FBN2: variants seen among roughly 807,000 people sequenced by gnomAD.
FBN2 encodes fibrillin-2.
FBN2 carries 105 observed loss-of-function variants against 355.6 expected under a neutral mutation model. The ratio of observed to expected loss-of-function variants is 0.30; its 90% confidence interval spans 0.25 to 0.35. The LOEUF is 0.35. FBN2 is among the 10% of genes least tolerant of loss of function. The pLI is 1.00. For missense variants in FBN2, 3,280 were observed against 3,758.7 expected, an observed-to-expected ratio of 0.87 and a Z score of 3.33; for synonymous variants, 1,350 against 1,301.2, an observed-to-expected ratio of 1.04 and a Z score of -0.81.
chr5:128,408,706 T>C lies in FBN2; in HGVS notation c.1046A>G (p.Tyr349Cys). ...GSYFCVCPRG[Y>C]VTSTDGSRCI... ...TCGAGAGCCATCTGTTGAGGTTACA[T>C]ATCCACGTGGACAAACACAAAAATA... is the stretch of plus-strand genomic sequence containing the variant. The change falls in exon 8 of 65, where the codon TAT becomes TGT. Residue 349 changes from tyrosine (Y) to cysteine (C), a missense_variant. Physicochemically the swap from Tyr to Cys is radical, Grantham distance 194. Around this residue, in one of 6 missense-constraint regions of FBN2, gnomAD observed 343 missense variants for 331.0 expected, o/e 1.04. Transcript: ENST00000262464. The C allele has an allele frequency of 1.2e-6, 2 of 1,614,060 alleles. No homozygotes were observed. Among genetic ancestry groups the C allele is most frequent in the South Asian group, 1.1e-5 (1 of 91,082 alleles).
chr5:128,537,015 T>C (rs948916360), intron 1 of FBN2, among the ~76,000 whole-genome samples: 2 of 152,066 alleles, frequency 1.3e-5, no homozygotes, highest in African/African-American at 2.4e-5. Flanking sequence ...CTCTGGCCCC[T>C]GCAGCAGGCG....
chr5:128,325,273 T>C (rs144697995), intron 34 of FBN2, among the ~76,000 whole-genome samples: 1 of 152,306 alleles, frequency 6.6e-6, no homozygotes, highest in African/African-American at 2.4e-5. Context: ...GAACTTGCTT[T>C]ATGAATCTGG....
At chr5:128,362,710 G>T in intron 18 of FBN2, among the ~76,000 whole-genome samples, 1 of 152,218 alleles carries the variant, frequency 6.6e-6, no homozygotes, top group South Asian at 2.1e-4. Context: ...GGTGATTCTC[G>T]CAGCTTGGTC....
At chr5:128,338,191 A>G (rs1750897630) in intron 26 of FBN2, 69 bp from the exon 27 acceptor site, 1 of 1,456,668 alleles carries the variant, frequency 6.9e-7, no homozygotes, top group Non-Finnish European at 9.6e-7. Flanking sequence ...ACAGCGTGGG[A>G]GAAAGAATAT....
intron 26 of FBN2, 112 bp from the exon 27 acceptor site, chr5:128,338,234 G>C (rs1184510608): frequency 3.7e-6 from 4 of 1,087,526 alleles, no homozygotes; most frequent in East Asian, 5.1e-5. Flanking sequence ...TAGTGGAAGA[G>C]AGATGCTTCA....
intron 8 of FBN2, among the ~76,000 whole-genome samples, chr5:128,405,532 G>T (rs1166862011): frequency 6.6e-6 from 1 of 152,156 alleles, no homozygotes. Flanking sequence ...AAATCATTAG[G>T]TACGTTGGTC....
chr5:128,408,903 G>A lies in FBN2; in HGVS notation c.953-104C>T, dbSNP rs1286354229. ...GTATGAGAGCATTCATGGTTGATTA[G>A]GTCAGATCATATAACCCTGAAGATA... On this transcript the variant is annotated intron_variant, in intron 7 of 64. Coordinates refer to ENST00000262464, the MANE Select transcript of FBN2 (RefSeq NM_001999.4). The A allele has an allele frequency of 4.0e-6, 5 of 1,245,526 alleles. No individual in the cohort carries two copies. In the Admixed American group the frequency reaches 6.8e-5, roughly 17 times the overall value. The allele number at this position is 1,245,526 out of a possible 1,614,324, so 77.2% of individuals were successfully genotyped here. A position where few individuals can be genotyped will look rare whatever the true frequency, so the allele number is the denominator to read the frequency against.
rs1051798200 is a variant in FBN2, at chr5:128,517,394, TTATC to T, written c.628+1875_628+1878del. On this transcript the variant is annotated intron_variant, in intron 5 of 64. Transcript: ENST00000262464. ...CTATGATGTTCAAATAAACTTAGCGTTATCTAAGAAATGTGTGTTATTCCATTCT... is the reference window on the plus strand; with the variant it reads ...CTATGATGTTCAAATAAACTTAGCGTTAAGAAATGTGTGTTATTCCATTCT... Among the ~76,000 whole-genome samples the T allele has an allele frequency of 7.2e-5, 11 of 152,330 alleles. No homozygotes were observed. The East Asian group carries it at 1.7e-3, about 24-fold the overall frequency.
At chr5:128,389,883 C>T (rs1260925709) in intron 11 of FBN2, among the ~76,000 whole-genome samples, 1 of 152,204 alleles carries the variant, frequency 6.6e-6, no homozygotes, top group African/African-American at 2.4e-5. Context: ...TCCTTCCATA[C>T]ATTCTTAATG....
intron 34 of FBN2, among the ~76,000 whole-genome samples, chr5:128,327,457 ATG>A (rs1371297314): frequency 6.6e-6 from 1 of 151,826 alleles, no homozygotes; most frequent in East Asian, 1.9e-4. Flanking sequence ...GTGTGTGTAT[ATG>A]TGTGTGTGCA....
chr5:128,438,509 A>G (rs1445422770), intron 7 of FBN2, among the ~76,000 whole-genome samples: 1 of 152,250 alleles, frequency 6.6e-6, no homozygotes, highest in African/African-American at 2.4e-5. Context: ...ATTGATTTAT[A>G]AAAGTAATAG....
At chr5:128,299,002 C>T (rs1190897746) in intron 48 of FBN2, among the ~76,000 whole-genome samples, 5 of 152,156 alleles carry the variant, frequency 3.3e-5, no homozygotes, top group African/African-American at 1.2e-4. Context: ...TGGTGATGTA[C>T]AGATGGGCTT....
chr5:128,521,261 C>A (rs34722489), intron 4 of FBN2, among the ~76,000 whole-genome samples: 29,593 of 152,048 alleles, frequency 0.19, 3,013 homozygotes, highest in Non-Finnish European at 0.23. Flanking sequence ...CAAACTAACA[C>A]AGGAACAGAA....
rs553052214 is a variant in FBN2 at position 128,376,801 on chromosome 5, A to G, written c.1902T>C (p.Asn634=). ...TNMCLNGMCI[N]EDGSFKCICK... is the part of the protein sequence containing the mutation. ...AGATGCACTTGAAGCTGCCATCTTC[A>G]TTGATGCACATTCCATTCAAACACA... The change falls in exon 14 of 65, where the codon AAT becomes AAC. Residue 634 remains asparagine (N), a synonymous_variant. Transcript: ENST00000262464. 11 of 1,613,534 alleles carry G rather than the reference A, an allele frequency of 6.8e-6. No individual in the cohort carries two copies. The highest frequency in any genetic ancestry group is 9.3e-6 in the Non-Finnish European group (11 of 1,179,690).
At chr5:128,440,362 G>A (rs1414293626) in intron 7 of FBN2, among the ~76,000 whole-genome samples, 1 of 152,144 alleles carries the variant, frequency 6.6e-6, no homozygotes, top group Non-Finnish European at 1.5e-5. Context: ...GGTTCTGCAG[G>A]CAGTACAGGA....
intron 48 of FBN2, among the ~76,000 whole-genome samples, chr5:128,299,450 A>T (rs1749648262): frequency 2.1e-5 from 2 of 94,282 alleles, no homozygotes; most frequent in Non-Finnish European, 4.9e-5. Flanking sequence ...TTGATCTCAG[A>T]CTGCTGTGCT....
chr5:128,460,980 A>C (rs1353170556), intron 6 of FBN2, among the ~76,000 whole-genome samples: 1 of 152,204 alleles, frequency 6.6e-6, no homozygotes, highest in Admixed American at 6.5e-5. Flanking sequence ...AAGCAATTGC[A>C]ACAAAAGCCA....
At chr5:128,495,604 C>T (rs1755636083) in intron 5 of FBN2, among the ~76,000 whole-genome samples, 1 of 151,936 alleles carries the variant, frequency 6.6e-6, no homozygotes, top group African/African-American at 2.4e-5. Flanking sequence ...GGAAAAAGTG[C>T]TAACTTGACC....
chr5:128,484,399 TAGAA>T, intron 5 of FBN2, among the ~76,000 whole-genome samples: 1 of 152,160 alleles, frequency 6.6e-6, no homozygotes, highest in East Asian at 1.9e-4. Flanking sequence ...AGCTGAATCA[TAGAA>T]AGAAATATAT....
Sources: gnomAD v4.1 joint callset for allele counts (sites outside exome capture counted in the v4.1 genomes callset) on GRCh38, gnomAD v4.1.1 for gene constraint, gnomAD v4.1.1 regional missense constraint, MANE v1.5 for transcripts, NCBI Gene and HGNC (gene_info 2026-07-23, HGNC 2026-07-21) for gene names.